Variants in RBFOX1 observed in about 807,000 individuals in gnomAD.
RBFOX1 encodes RNA binding fox-1 homolog 1.
Under a neutral mutation model 57.7 loss-of-function variants are expected in RBFOX1, and 8 were observed. The observed-to-expected ratio is 0.14, with a 90% CI of 0.08 to 0.25. The LOEUF is 0.25. RBFOX1 is among the 10% of genes least tolerant of loss of function. The probability of loss-of-function intolerance (pLI) is 1.00; values close to 1 mark genes in which losing one functional copy is unlikely to be tolerated. For synonymous variants in RBFOX1, 326 were observed against 222.4 expected (o/e 1.47, Z -4.15); for missense variants, 611 against 548.5 (o/e 1.11, Z -1.14).
At chr16:7,591,215 T>C (rs1264567109) in intron 7 of RBFOX1, among the ~76,000 whole-genome samples, 1 of 152,112 alleles carries the variant, frequency 6.6e-6, no homozygotes, top group African/African-American at 2.4e-5. Context: ...TGTGCAAAGA[T>C]CACTGGAGTA....
At position 6,198,241 on chromosome 16, in the gene RBFOX1, C is replaced by T. The variant is rs552369107; in HGVS notation, c.-126-118754C>T. Among the ~76,000 whole-genome samples the T allele has an allele frequency of 2.6e-5, 4 of 152,096 alleles. No homozygotes were observed. In the East Asian group the frequency reaches 7.8e-4, roughly 29 times the overall value. The stretch of plus-strand genomic sequence containing the variant: ...AGACCTTCTGAGGTTAGCGCCAAGA[C>T]AAGGGTATTGAATGTGCACACAGAA... On this transcript the variant is annotated intron_variant, in intron 1 of 15. Transcript: ENST00000550418.
At chr16:6,265,825 C>A (rs73531480) in intron 1 of RBFOX1, among the ~76,000 whole-genome samples, 5 of 152,064 alleles carry the variant, frequency 3.3e-5, no homozygotes, top group African/African-American at 1.2e-4. Flanking sequence ...CCTTCTGCCC[C>A]CTCTTCTGCC....
intron 4 of RBFOX1, among the ~76,000 whole-genome samples, chr16:7,225,588 G>C (rs1410222556): frequency 6.6e-6 from 1 of 151,892 alleles, no homozygotes; most frequent in Non-Finnish European, 1.5e-5. Flanking sequence ...GGCCATGTGA[G>C]ATGATGAGAT....
intron 3 of RBFOX1, among the ~76,000 whole-genome samples, chr16:6,949,958 G>GT (rs1389718757): frequency 6.7e-6 from 1 of 149,792 alleles, no homozygotes; most frequent in Admixed American, 6.6e-5. Flanking sequence ...TGTTGTTGTT[G>GT]TTTTTTGGTA....
intron 1 of RBFOX1, among the ~76,000 whole-genome samples, chr16:6,031,388 C>T (rs1480290468): frequency 6.6e-6 from 1 of 152,188 alleles, no homozygotes; most frequent in Admixed American, 6.5e-5. Flanking sequence ...GCCTTGCTCT[C>T]AGGAGCCTGT....
chr16:6,797,630 G>GGC (rs991756921), intron 3 of RBFOX1, among the ~76,000 whole-genome samples: 4 of 151,998 alleles, frequency 2.6e-5, no homozygotes, highest in Admixed American at 2.6e-4. Context: ...TAGCATACTG[G>GGC]GCACTGTATC....
intron 2 of RBFOX1, among the ~76,000 whole-genome samples, chr16:6,491,344 AATAAAG>A (rs2095628859): frequency 6.6e-6 from 1 of 152,230 alleles, no homozygotes; most frequent in East Asian, 1.9e-4. Context: ...TCCTTTTAGA[AATAAAG>A]ATAACTAGTG....
At chr16:6,882,816 T>C (rs966047928) in intron 3 of RBFOX1, among the ~76,000 whole-genome samples, 46 of 152,138 alleles carry the variant, frequency 3.0e-4, no homozygotes, top group African/African-American at 1.1e-3. Flanking sequence ...CAATTCTCTG[T>C]TTCTTTGCCC....
At chr16:6,915,548 C>A (rs565759112) in intron 3 of RBFOX1, among the ~76,000 whole-genome samples, 86 of 120,314 alleles carry the variant, frequency 7.1e-4, no homozygotes, top group African/African-American at 2.4e-3. Context: ...CCCCACACCC[C>A]CCTTTTTTTT....
At chr16:6,883,003 A>C (rs1315959311) in intron 3 of RBFOX1, among the ~76,000 whole-genome samples, 2 of 152,144 alleles carry the variant, frequency 1.3e-5, no homozygotes, top group Admixed American at 1.3e-4. Context: ...GTGAATTGTT[A>C]AGTCCAATCT....
chr16:7,427,227 C>T (rs1372167502), intron 4 of RBFOX1, among the ~76,000 whole-genome samples: 1 of 152,192 alleles, frequency 6.6e-6, no homozygotes, highest in African/African-American at 2.4e-5. Context: ...AACAAACCTG[C>T]ATGTTGTGCA....
chr16:5,966,080 C>G (rs1596312458), intron 4 of RBFOX1, among the ~76,000 whole-genome samples: 1 of 152,232 alleles, frequency 6.6e-6, no homozygotes, highest in South Asian at 2.1e-4. Flanking sequence ...ATTCCTAACT[C>G]TTTTTTCAGA....
intron 2 of RBFOX1, among the ~76,000 whole-genome samples, chr16:5,559,245 G>A (rs1017522483): frequency 7.3e-5 from 11 of 150,746 alleles, no homozygotes; most frequent in African/African-American, 2.2e-4. Flanking sequence ...GGGCAATGGC[G>A]TACCCCTGTT....
chr16:5,968,108 T>C (rs2059886308), intron 4 of RBFOX1, among the ~76,000 whole-genome samples: 2 of 152,162 alleles, frequency 1.3e-5, no homozygotes, highest in African/African-American at 2.4e-5. Flanking sequence ...AGAGTCTTGC[T>C]CTATCACCCA....
At chr16:6,963,855 C>T (rs573481282) in intron 3 of RBFOX1, among the ~76,000 whole-genome samples, 21 of 151,558 alleles carry the variant, frequency 1.4e-4, no homozygotes, top group East Asian at 9.8e-4. Flanking sequence ...CACACCACCA[C>T]GCCTGGCTAA....
intron 1 of RBFOX1, among the ~76,000 whole-genome samples, chr16:5,458,279 C>G (rs1294229192): frequency 6.6e-6 from 1 of 151,800 alleles, no homozygotes; most frequent in African/African-American, 2.4e-5. Context: ...TAGTCATTTT[C>G]TATGTCATCG....
Position 5,544,951 on chromosome 16 carries a change from CTTTTTTTTTTTTTTTTTTTTTTT to C in RBFOX1, c.259-53930_259-53908del, listed in dbSNP as rs59873374. On this transcript the variant is annotated intron_variant, in intron 2 of 2. Transcript: ENST00000585867. Reference sequence around the variant, plus strand: ...GTATAGATGGCCTTACTATTACATTCTTTTTTTTTTTTTTTTTTTTTTTTTTTTTTTTTTTTTTTTTTTGATAC... The same window carrying C: ...GTATAGATGGCCTTACTATTACATTCTTTTTTTTTTTTTTTTTTTTGATAC... 5.7e-3 allele frequency among the ~76,000 whole-genome samples: 714 copies of C among 124,354 alleles called. 7 individuals are homozygous for C. The highest frequency in any genetic ancestry group is 0.023 in the African/African-American group (653 of 28,988). The allele number at this position is 124,354 out of a possible 152,430, so 81.6% of individuals were successfully genotyped here.
At chr16:7,414,058 C>G (rs996500868) in intron 4 of RBFOX1, among the ~76,000 whole-genome samples, 5 of 152,194 alleles carry the variant, frequency 3.3e-5, no homozygotes, top group African/African-American at 2.4e-5. Flanking sequence ...TCTTACTCAT[C>G]AAATTTGGGA....
At chr16:6,434,022 A>G (rs1455927988) in intron 2 of RBFOX1, among the ~76,000 whole-genome samples, 4 of 151,378 alleles carry the variant, frequency 2.6e-5, no homozygotes, top group Non-Finnish European at 2.9e-5. Context: ...TAATTTATGT[A>G]TTTTTCATAG....
Sources: allele counts gnomAD v4.1 joint callset (sites outside exome capture counted in the v4.1 genomes callset), GRCh38; gene constraint gnomAD v4.1.1; transcripts MANE v1.5; gene names NCBI Gene and HGNC (gene_info 2026-07-23, HGNC 2026-07-21).